Variants in ZNF536 observed in about 807,000 individuals in gnomAD.
The protein encoded by ZNF536 is zinc finger protein 536.
Under a neutral mutation model 84.5 loss-of-function variants are expected in ZNF536, and 13 were observed. The observed-to-expected ratio is 0.15, with a 90% CI of 0.10 to 0.24. The LOEUF (loss-of-function observed/expected upper bound fraction) is 0.24, where lower values mean the gene tolerates loss of function less well. ZNF536 is among the 10% of genes least tolerant of loss of function. The pLI, the probability that ZNF536 is intolerant of heterozygous loss-of-function variation, is 1.00. For missense variants in ZNF536, 1,536 were observed against 1,747.5 expected (o/e 0.88, Z 2.16); for synonymous variants, 811 against 742.5 (o/e 1.09, Z -1.50).
chr19:30,415,716 T>C (rs2050702455), intron 1 of ZNF536, among the ~76,000 whole-genome samples: 1 of 152,180 alleles, frequency 6.6e-6, no homozygotes, highest in African/African-American at 2.4e-5. Flanking sequence ...GTTCACACCA[T>C]TCTCCTGCCT....
At chr19:30,576,003 C>A (rs1008268740) in intron 1 of ZNF536, among the ~76,000 whole-genome samples, 1 of 152,234 alleles carries the variant, frequency 6.6e-6, no homozygotes, top group African/African-American at 2.4e-5. Flanking sequence ...TTAAGGCCTA[C>A]ACTGAGAAGG....
intron 1 of ZNF536, among the ~76,000 whole-genome samples, chr19:30,639,539 C>T (rs1189001450): frequency 6.6e-6 from 1 of 152,214 alleles, no homozygotes; most frequent in African/African-American, 2.4e-5. Context: ...ATGGTGTTAT[C>T]TTCCTCTAGG....
chr19:30,493,601 T>C (rs530331285), intron 2 of ZNF536, among the ~76,000 whole-genome samples: 113 of 152,290 alleles, frequency 7.4e-4, no homozygotes, highest in African/African-American at 2.6e-3. Context: ...GTCTTCCCCA[T>C]CACTCGGGGC....
chr19:30,630,758 A>G (rs1216346738), intron 1 of ZNF536, among the ~76,000 whole-genome samples: 1 of 152,144 alleles, frequency 6.6e-6, no homozygotes, highest in Non-Finnish European at 1.5e-5. Context: ...GTCAGCAGAA[A>G]CACCCACCCA....
At chr19:30,695,477 C>A (rs12052160) in intron 1 of ZNF536, among the ~76,000 whole-genome samples, 9,468 of 152,210 alleles carry the variant, frequency 0.062, 299 homozygotes, top group East Asian at 0.13. Flanking sequence ...TGGAGCTCTG[C>A]AGACTGGGTC....
At chr19:30,245,911 G>C (rs759096892) in intron 1 of ZNF536, among the ~76,000 whole-genome samples, 3 of 152,230 alleles carry the variant, frequency 2.0e-5, no homozygotes, top group African/African-American at 7.2e-5. Context: ...ACGGAGCGTT[G>C]GAGTCAGGTT....
upstream of ZNF536, among the ~76,000 whole-genome samples, chr19:30,225,996 G>T (rs1287217208): frequency 6.6e-6 from 1 of 151,806 alleles, no homozygotes; most frequent in East Asian, 1.9e-4. Context: ...GCCGGGCATC[G>T]TATGGCGCTA....
intron 2 of ZNF536, among the ~76,000 whole-genome samples, chr19:30,518,006 T>A (rs1048944628): frequency 1.3e-5 from 2 of 152,090 alleles, no homozygotes; most frequent in Non-Finnish European, 2.9e-5. Flanking sequence ...CGCAGAGTTA[T>A]CTACAGAGGT....
chr19:30,293,211 G>T (rs1160222842), intron 2 of ZNF536, among the ~76,000 whole-genome samples: 1 of 152,122 alleles, frequency 6.6e-6, no homozygotes, highest in East Asian at 1.9e-4. Context: ...TGAGGGAGTG[G>T]TTAGTTCTCT....
chr19:30,574,755 T>C (rs1340425273), intron 1 of ZNF536, among the ~76,000 whole-genome samples: 10 of 152,226 alleles, frequency 6.6e-5, no homozygotes, highest in Non-Finnish European at 2.9e-5. Context: ...TGATCAAGTG[T>C]ATAGATCTAT....
intron 2 of ZNF536, among the ~76,000 whole-genome samples, chr19:30,299,341 T>C (rs1411600389): frequency 6.6e-6 from 1 of 152,250 alleles, no homozygotes; most frequent in Non-Finnish European, 1.5e-5. Context: ...ATGAATATTC[T>C]TTTATATTCA....
At chr19:30,495,870 G>T (rs1000454414) in intron 2 of ZNF536, among the ~76,000 whole-genome samples, 3 of 152,318 alleles carry the variant, frequency 2.0e-5, no homozygotes, top group South Asian at 2.1e-4. Flanking sequence ...CGGGGAGGGA[G>T]TCCAGACTTT....
intron 1 of ZNF536, among the ~76,000 whole-genome samples, chr19:30,416,235 C>T (rs1349791271): frequency 1.3e-5 from 2 of 150,140 alleles, no homozygotes; most frequent in Non-Finnish European, 1.5e-5. Context: ...CAATATTATC[C>T]TTTTTGTGAA....
chr19:30,288,022 A>T (rs1049320155), intron 2 of ZNF536, among the ~76,000 whole-genome samples: 2 of 152,208 alleles, frequency 1.3e-5, no homozygotes, highest in African/African-American at 4.8e-5. Flanking sequence ...CTTTTAGTCT[A>T]GTGTTTTAAA....
intron 2 of ZNF536, among the ~76,000 whole-genome samples, chr19:30,521,794 T>A (rs1408279233): frequency 2.6e-5 from 4 of 152,218 alleles, no homozygotes; most frequent in Non-Finnish European, 4.4e-5. Flanking sequence ...TGGGACCAGG[T>A]GCTAACCGCG....
At chr19:30,587,920 C>A (rs998264999) in intron 1 of ZNF536, among the ~76,000 whole-genome samples, 6 of 152,240 alleles carry the variant, frequency 3.9e-5, no homozygotes, top group African/African-American at 1.2e-4. Context: ...GTAATTGGTG[C>A]ATTAAAAAGG....
chr19:30,516,026 CAAA>C (rs553504551), intron 2 of ZNF536, among the ~76,000 whole-genome samples: 3 of 75,628 alleles, frequency 4.0e-5, no homozygotes, highest in Admixed American at 1.6e-4. Context: ...GACTCCATCT[CAAA>C]AAAAAAAAAA....
intron 1 of ZNF536, among the ~76,000 whole-genome samples, chr19:30,568,296 G>C (rs2046423406): frequency 6.6e-6 from 1 of 152,284 alleles, no homozygotes; most frequent in East Asian, 1.9e-4. Flanking sequence ...CAGAGGTTGG[G>C]AGTTTCCGGG....
At position 30,613,398 on chromosome 19, in the gene ZNF536, A is replaced by G. The variant is rs147980588; in HGVS notation, c.169+63884A>G. On this transcript the variant is annotated intron_variant, in intron 1 of 1. Coordinates refer to the ZNF536 transcript ENST00000592773. ...AACTGTGATTTTTCTATTTCCCTCAATCCTACATGTCTTAAATTCAAATTC... is the reference window on the plus strand; with the variant it reads ...AACTGTGATTTTTCTATTTCCCTCAGTCCTACATGTCTTAAATTCAAATTC... Among the ~76,000 whole-genome samples, 838 of 152,178 alleles carry G rather than the reference A, an allele frequency of 5.5e-3. 4 individuals are homozygous for G. The highest frequency in any genetic ancestry group is 9.6e-3 in the Non-Finnish European group (656 of 68,012).
Sources: gnomAD v4.1 joint callset for allele counts (sites outside exome capture counted in the v4.1 genomes callset) on GRCh38, gnomAD v4.1.1 for gene constraint, MANE v1.5 for transcripts, NCBI Gene and HGNC (gene_info 2026-07-23, HGNC 2026-07-21) for gene names.